SLC25A21: variants seen among roughly 807,000 people sequenced by gnomAD.
SLC25A21 encodes the protein solute carrier family 25 member 21.
Under a neutral mutation model 43.8 loss-of-function variants are expected in SLC25A21, and 47 were observed. The observed-to-expected ratio is 1.07, with a 90% CI of 0.85 to 1.37. The LOEUF (loss-of-function observed/expected upper bound fraction) is 1.37, where lower values mean the gene tolerates loss of function less well. Among genes scored for constraint, SLC25A21 ranks in the 40% most tolerant of loss-of-function variants. The pLI is 0.00. For synonymous variants in SLC25A21, 131 were observed against 121.3 expected (o/e 1.08, Z -0.52); for missense variants, 352 against 350.2 (o/e 1.00, Z -0.04).
At chr14:36,882,252 G>A (rs1890754143) in intron 1 of SLC25A21, among the ~76,000 whole-genome samples, 1 of 152,090 alleles carries the variant, frequency 6.6e-6, no homozygotes, top group African/African-American at 2.4e-5. Context: ...GCGTGGTGAT[G>A]TGCACCTGTA....
intron 7 of SLC25A21, among the ~76,000 whole-genome samples, chr14:36,697,796 C>CTT (rs1351040964): frequency 7.1e-6 from 1 of 140,622 alleles, no homozygotes; most frequent in African/African-American, 2.7e-5. Context: ...TTATTTTGAG[C>CTT]CTATGTGCAT....
intron 1 of SLC25A21, among the ~76,000 whole-genome samples, chr14:36,910,264 C>A (rs1018760410): frequency 1.4e-4 from 22 of 152,176 alleles, no homozygotes; most frequent in African/African-American, 5.1e-4. Flanking sequence ...TTGGGTCGTT[C>A]TTTCATTGAA....
intron 1 of SLC25A21, among the ~76,000 whole-genome samples, chr14:37,147,843 TC>T (rs1477701830): frequency 7.7e-5 from 2 of 26,084 alleles, no homozygotes; most frequent in Non-Finnish European, 2.3e-4. Flanking sequence ...TTTTTTCTTT[TC>T]TTTTTTTTTT....
intron 1 of SLC25A21, among the ~76,000 whole-genome samples, chr14:37,007,733 C>A (rs541801131): frequency 6.6e-6 from 1 of 151,914 alleles, no homozygotes; most frequent in African/African-American, 2.4e-5. Flanking sequence ...GCACGCTTTA[C>A]GGGAAGAAAT....
At chr14:37,107,989 G>A (rs1247743520) in intron 1 of SLC25A21, among the ~76,000 whole-genome samples, 1 of 152,120 alleles carries the variant, frequency 6.6e-6, no homozygotes, top group Non-Finnish European at 1.5e-5. Context: ...GTCCAAGCTT[G>A]AACAATACAT....
At chr14:36,950,271 G>GC (rs1474518535) in intron 1 of SLC25A21, among the ~76,000 whole-genome samples, 1 of 152,030 alleles carries the variant, frequency 6.6e-6, no homozygotes, top group Non-Finnish European at 1.5e-5. Flanking sequence ...ATTGAACTGT[G>GC]CCCCCCAATT....
intron 2 of SLC25A21, among the ~76,000 whole-genome samples, chr14:36,856,698 C>A (rs1566679472): frequency 6.6e-6 from 1 of 152,160 alleles, no homozygotes; most frequent in Non-Finnish European, 1.5e-5. Context: ...ATAGCAGAGG[C>A]CGGCACGCAA....
intron 3 of SLC25A21, among the ~76,000 whole-genome samples, chr14:36,803,082 T>C (rs1324365113): frequency 6.6e-6 from 1 of 152,080 alleles, no homozygotes; most frequent in East Asian, 1.9e-4. Flanking sequence ...TTGTAAAGAG[T>C]TTAATTATCA....
intron 3 of SLC25A21, among the ~76,000 whole-genome samples, chr14:36,808,417 T>C (rs1888118815): frequency 6.6e-6 from 1 of 152,178 alleles, no homozygotes; most frequent in Non-Finnish European, 1.5e-5. Context: ...TGACTGAACA[T>C]ATACTAGTCT....
intron 3 of SLC25A21, among the ~76,000 whole-genome samples, chr14:36,750,891 C>A (rs968605515): frequency 6.6e-6 from 1 of 152,104 alleles, no homozygotes; most frequent in South Asian, 2.1e-4. Flanking sequence ...GAGCCAAAGA[C>A]TGCTGATTGT....
intron 1 of SLC25A21, among the ~76,000 whole-genome samples, chr14:36,998,784 A>G (rs1960426138): frequency 6.6e-6 from 1 of 152,168 alleles, no homozygotes; most frequent in South Asian, 2.1e-4. Context: ...TGGATGTCAA[A>G]TAAGTCTAGG....
intron 1 of SLC25A21, among the ~76,000 whole-genome samples, chr14:37,075,339 A>G (rs1962258218): frequency 6.6e-6 from 1 of 152,172 alleles, no homozygotes; most frequent in Non-Finnish European, 1.5e-5. Context: ...AAATAACAGA[A>G]AAACAGATTG....
chr14:36,729,677 T>G, intron 4 of SLC25A21, 111 bp from the exon 5 acceptor site: 1 of 856,022 alleles, frequency 1.2e-6, no homozygotes. Flanking sequence ...TTTCAAAAAA[T>G]GATAAACTAT....
chr14:36,746,431 G>A (rs1885499590), intron 3 of SLC25A21, among the ~76,000 whole-genome samples: 1 of 152,090 alleles, frequency 6.6e-6, no homozygotes, highest in African/African-American at 2.4e-5. Context: ...TAGAATAACA[G>A]ATTTTGGAGA....
chr14:36,922,764 T>C (rs957143930), intron 1 of SLC25A21, among the ~76,000 whole-genome samples: 1 of 152,068 alleles, frequency 6.6e-6, no homozygotes, highest in Admixed American at 6.6e-5. Context: ...TTCAAACTAA[T>C]ACCAGAATAA....
At chr14:37,106,363 G>A (rs927723373) in intron 1 of SLC25A21, among the ~76,000 whole-genome samples, 3 of 151,978 alleles carry the variant, frequency 2.0e-5, no homozygotes, top group African/African-American at 7.3e-5. Flanking sequence ...GGAAAGGAAT[G>A]CATTCCTGGG....
In SLC25A21 at chr14:36,894,773, C is replaced by T. The variant is rs530310418; in HGVS notation, c.71-19769G>A. Among the ~76,000 whole-genome samples the T allele has an allele frequency of 2.7e-4, 40 of 148,896 alleles. 1 individual carries two copies. The highest frequency in any genetic ancestry group is 1.9e-3 in the South Asian group (9 of 4,824). ...AAGCATTGTTGAATTTTGTTAAAGGCCTTTTCTGCATCTATTGAGATAATC... is the reference window on the plus strand; with the variant it reads ...AAGCATTGTTGAATTTTGTTAAAGGTCTTTTCTGCATCTATTGAGATAATC... On this transcript the variant is annotated intron_variant, in intron 1 of 9. Transcript: ENST00000331299.
intron 2 of SLC25A21, among the ~76,000 whole-genome samples, chr14:36,868,375 C>A (rs1388398684): frequency 1.3e-5 from 2 of 152,138 alleles, no homozygotes; most frequent in African/African-American, 4.8e-5. Context: ...TTCTACATAA[C>A]TGCCATATGT....
At chr14:36,952,802 C>T (rs1278398569) in intron 1 of SLC25A21, among the ~76,000 whole-genome samples, 1 of 152,116 alleles carries the variant, frequency 6.6e-6, no homozygotes, top group Admixed American at 6.5e-5. Context: ...AGGGTGTGGC[C>T]TTGGGCAAAA....
Sources: allele counts gnomAD v4.1 joint callset (sites outside exome capture counted in the v4.1 genomes callset), GRCh38; gene constraint gnomAD v4.1.1; transcripts MANE v1.5; gene names NCBI Gene and HGNC (gene_info 2026-07-23, HGNC 2026-07-21).